The following NECAB1 variants were observed in gnomAD, a reference collection of about 807,000 sequenced individuals.
The protein encoded by NECAB1 is N-terminal EF-hand calcium-binding protein 1.
A neutral mutation model predicts 57.5 loss-of-function variants in NECAB1; 29 were observed. The observed-to-expected ratio is 0.50, with a 90% CI of 0.38 to 0.69. The LOEUF (loss-of-function observed/expected upper bound fraction) is 0.69, where lower values mean the gene tolerates loss of function less well. Ranked by LOEUF, NECAB1 falls within the 30% of genes least tolerant of loss-of-function variation. The pLI is 0.00. For synonymous variants in NECAB1, 142 were observed against 147.7 expected, an observed-to-expected ratio of 0.96 and a Z score of 0.28; for missense variants, 372 against 413.8, an observed-to-expected ratio of 0.90 and a Z score of 0.88.
intron 5 of NECAB1, among the ~76,000 whole-genome samples, chr8:90,906,883 A>ATATATATTTATATATATATATATGTATG (rs1554574053): frequency 1.2e-5 from 1 of 80,758 alleles, no homozygotes; most frequent in South Asian, 4.0e-4. Flanking sequence ...ACACATATAT[A>ATATATATTTATATATATATATATGTATG]TATATATATA....
chr8:90,831,299 A>T (rs1473104007), intron 3 of NECAB1, among the ~76,000 whole-genome samples: 2 of 152,174 alleles, frequency 1.3e-5, no homozygotes, highest in African/African-American at 4.8e-5. Context: ...TCAAGAAAAC[A>T]TAATGCAAAA....
intron 3 of NECAB1, among the ~76,000 whole-genome samples, chr8:90,833,068 G>C (rs886449270): frequency 6.6e-6 from 1 of 151,986 alleles, no homozygotes; most frequent in African/African-American, 2.4e-5. Flanking sequence ...ATTATGTAGG[G>C]TTTTTACAGT....
At chr8:90,841,691 C>A (rs572616343) in intron 3 of NECAB1, among the ~76,000 whole-genome samples, 1 of 152,068 alleles carries the variant, frequency 6.6e-6, no homozygotes, top group East Asian at 1.9e-4. Flanking sequence ...TTTTCAGGGA[C>A]AACAAGGAAA....
intron 3 of NECAB1, among the ~76,000 whole-genome samples, chr8:90,852,059 A>T (rs557456458): frequency 6.6e-6 from 1 of 152,126 alleles, no homozygotes; most frequent in South Asian, 2.1e-4. Flanking sequence ...TGTTATTTTT[A>T]ATTTTATTTA....
chr8:90,822,671 C>A (rs908148263), intron 2 of NECAB1, among the ~76,000 whole-genome samples: 5 of 151,738 alleles, frequency 3.3e-5, no homozygotes, highest in Admixed American at 2.6e-4. Context: ...AGCAGTATTA[C>A]AGGGGCCCAC....
chr8:90,940,633 G>A, intron 9 of NECAB1, 153 bp from the exon 10 acceptor site: 1 of 623,306 alleles, frequency 1.6e-6, no homozygotes, highest in East Asian at 2.8e-5. Flanking sequence ...CCTTTATACA[G>A]TTTTATACTT....
At chr8:90,804,545 A>G (rs1326336199) in intron 2 of NECAB1, among the ~76,000 whole-genome samples, 3 of 152,156 alleles carry the variant, frequency 2.0e-5, no homozygotes, top group Non-Finnish European at 4.4e-5. Flanking sequence ...AATCGCAAAT[A>G]TATGAGGTGA....
At chr8:90,913,977 C>G (rs1480406417) in intron 5 of NECAB1, among the ~76,000 whole-genome samples, 1 of 152,194 alleles carries the variant, frequency 6.6e-6, no homozygotes, top group Non-Finnish European at 1.5e-5. Flanking sequence ...GTGGTAATGT[C>G]TACAACCAGC....
chr8:90,904,316 T>C (rs748324473), intron 5 of NECAB1, among the ~76,000 whole-genome samples: 3 of 151,898 alleles, frequency 2.0e-5, no homozygotes, highest in Non-Finnish European at 2.9e-5. Context: ...AGACTTTATA[T>C]ATTGAAATCA....
chr8:90,938,539 G>A (rs759903533), intron 9 of NECAB1, among the ~76,000 whole-genome samples: 26 of 152,024 alleles, frequency 1.7e-4, no homozygotes, highest in Non-Finnish European at 3.2e-4. Context: ...AAATTTAAGC[G>A]TTTTTTTGGA....
intron 5 of NECAB1, among the ~76,000 whole-genome samples, chr8:90,911,526 A>G (rs901417673): frequency 1.3e-5 from 2 of 152,304 alleles, no homozygotes; most frequent in South Asian, 4.1e-4. Context: ...TGAACTCTAC[A>G]TATTAAACTT....
At chr8:90,915,154 A>G (rs1394181793) in intron 5 of NECAB1, among the ~76,000 whole-genome samples, 1 of 152,194 alleles carries the variant, frequency 6.6e-6, no homozygotes, top group Admixed American at 6.5e-5. Context: ...ATATACTGAG[A>G]TGCGAAAATA....
chr8:90,838,080 A>G (rs1812399218), intron 3 of NECAB1, among the ~76,000 whole-genome samples: 1 of 152,186 alleles, frequency 6.6e-6, no homozygotes, highest in South Asian at 2.1e-4. Context: ...CCAATGAAAA[A>G]ATAAGGGTGT....
intron 5 of NECAB1, among the ~76,000 whole-genome samples, chr8:90,888,187 G>A (rs997312466): frequency 4.6e-5 from 7 of 151,970 alleles, no homozygotes; most frequent in African/African-American, 7.3e-5. Context: ...GATTGCTAGC[G>A]GGAACATTTA....
intron 2 of NECAB1, among the ~76,000 whole-genome samples, chr8:90,817,474 T>A (rs1449072122): frequency 4.0e-5 from 6 of 151,558 alleles, no homozygotes; most frequent in Non-Finnish European, 7.4e-5. Context: ...TAGTTTTTTT[T>A]ATCAAGTTGG....
At chr8:90,951,865 A>G (rs1278987236) in intron 12 of NECAB1, among the ~76,000 whole-genome samples, 1 of 152,212 alleles carries the variant, frequency 6.6e-6, no homozygotes, top group East Asian at 1.9e-4. Flanking sequence ...AATAGTTTTT[A>G]AGAAAATGAC....
chr8:90,843,745 C>T (rs1390411774), intron 3 of NECAB1, among the ~76,000 whole-genome samples: 3 of 152,198 alleles, frequency 2.0e-5, no homozygotes, highest in Non-Finnish European at 4.4e-5. Flanking sequence ...TTTTGGACAG[C>T]AGTACTTCCT....
In NECAB1 at chr8:90,906,876, C is replaced by CATATATAT. The variant is rs57808023; in HGVS notation, c.358-10589_358-10582dup. On this transcript the variant is annotated intron_variant, in intron 5 of 12. Transcript: ENST00000417640. ...ACCTTTTCCTTACATATGATATACA[C>CATATATAT]ATATATATATATATATATATATATA... Among the ~76,000 whole-genome samples, 815 of 121,634 alleles carry CATATATAT rather than the reference C, an allele frequency of 6.7e-3. 1 individual carries two copies. The highest frequency in any genetic ancestry group is 0.013 in the Middle Eastern group (3 of 230). The allele number at this position is 121,634 out of a possible 152,430, so 79.8% of individuals were successfully genotyped here. A position where few individuals can be genotyped will look rare whatever the true frequency, so the allele number is the denominator to read the frequency against.
intron 3 of NECAB1, among the ~76,000 whole-genome samples, chr8:90,841,136 T>A (rs544736747): frequency 6.6e-6 from 1 of 151,790 alleles, no homozygotes; most frequent in East Asian, 1.9e-4. Flanking sequence ...GGCAGGCGCC[T>A]GTAGTCCCAG....
Sources: gnomAD v4.1 joint callset for allele counts (sites outside exome capture counted in the v4.1 genomes callset) on GRCh38, gnomAD v4.1.1 for gene constraint, MANE v1.5 for transcripts, NCBI Gene and HGNC (gene_info 2026-07-23, HGNC 2026-07-21) for gene names.